The following NDUFB5 variants were observed in gnomAD, a reference collection of about 807,000 sequenced individuals.
NDUFB5 encodes NADH:ubiquinone oxidoreductase subunit B5, also known as NADH dehydrogenase [ubiquinone] 1 beta subcomplex subunit 5, mitochondrial.
NDUFB5 carries 19 observed loss-of-function variants against 19.4 expected under a neutral mutation model. The ratio of observed to expected loss-of-function variants is 0.98; its 90% CI spans 0.68 to 1.43. The LOEUF (loss-of-function observed/expected upper bound fraction) is 1.43, where lower values mean the gene tolerates loss of function less well. Among genes scored for constraint, NDUFB5 ranks in the 40% most tolerant of loss-of-function variants. NDUFB5 has a pLI of 0.00. For missense variants in NDUFB5, 233 were observed against 236.5 expected, an observed-to-expected ratio of 0.99 and a Z score of 0.10; for synonymous variants, 80 against 82.6, an observed-to-expected ratio of 0.97 and a Z score of 0.17.
intron 3 of NDUFB5, among the ~76,000 whole-genome samples, chr3:179,616,713 A>G (rs1374962244): frequency 6.6e-6 from 1 of 152,224 alleles, no homozygotes; most frequent in Non-Finnish European, 1.5e-5. Flanking sequence ...CTTTTATTAT[A>G]TCTTGTTACA....
At chr3:179,613,169 C>T (rs915285722) in intron 1 of NDUFB5, among the ~76,000 whole-genome samples, 31 of 151,884 alleles carry the variant, frequency 2.0e-4, no homozygotes, top group African/African-American at 7.5e-4. Flanking sequence ...GCTGTATCCA[C>T]CTCATCTAAG....
chr3:179,619,878 A>G (rs569523712), intron 5 of NDUFB5, among the ~76,000 whole-genome samples: 10 of 152,270 alleles, frequency 6.6e-5, no homozygotes, highest in South Asian at 2.1e-4. Flanking sequence ...CTGACTTTTT[A>G]ATGATCACCA....
At chr3:179,621,585 C>T (rs895110000) in intron 5 of NDUFB5, among the ~76,000 whole-genome samples, 5 of 150,422 alleles carry the variant, frequency 3.3e-5, no homozygotes, top group South Asian at 2.1e-4. Context: ...CTCTGCTTTC[C>T]GGGTTCAAGC....
chr3:179,607,776 C>A (rs778941533), intron 1 of NDUFB5: 207 of 698,704 alleles, frequency 3.0e-4, no homozygotes, highest in Non-Finnish European at 4.8e-4. Flanking sequence ...AACCACCATT[C>A]TGCTGTCTTT....
In NDUFB5 at chr3:179,616,047, T is replaced by C; in HGVS notation, c.278T>C (p.Ile93Thr). The change falls in exon 3 of 6, where the codon ATT becomes ACT. Residue 93 changes from isoleucine to threonine, a missense_variant and splice_region_variant. By Grantham distance (89) the Ile-to-Thr change is moderately conservative. Coordinates refer to ENST00000259037, the MANE Select transcript of NDUFB5 (RefSeq NM_002492.4). ...AIFITLVNVF[I>T]GQAELAEIPE... The stretch of plus-strand genomic sequence containing the variant: ...TTCATAACTCTGGTGAATGTATTCA[T>C]TGGTAAGTCACTTCCATCCCCTGCC... 1 of 1,613,112 alleles carries C rather than the reference T, an allele frequency of 6.2e-7. No individual in the cohort carries two copies. The highest frequency in any genetic ancestry group is 2.2e-5 in the East Asian group (1 of 44,850).
intron 5 of NDUFB5, among the ~76,000 whole-genome samples, chr3:179,619,196 GTTTT>G (rs63194561): frequency 8.1e-6 from 1 of 123,818 alleles, no homozygotes; most frequent in African/African-American, 3.0e-5. Context: ...CTGAGTGCCT[GTTTT>G]TTTTTTTTTT....
At position 179,604,820 on chromosome 3, in the gene NDUFB5, C is replaced by G; in HGVS notation, c.5C>G (p.Ala2Gly). The change falls in exon 1 of 6, where the codon GCG becomes GGG. Residue 2 changes from alanine to glycine, a missense_variant. Ala to Gly is a moderately conservative substitution (Grantham distance 60, BLOSUM62 0). Coordinates refer to ENST00000259037, the MANE Select transcript of NDUFB5 (RefSeq NM_002492.4). M[A>G]AMSLLRRVSV... ...TTCCTCCTGCCCGTAGTAGCCATGG[C>G]GGCCATGAGTTTGTTGCGGCGGGTT... The G allele has an allele frequency of 1.2e-6, 2 of 1,608,072 alleles. No homozygotes were observed. Among genetic ancestry groups the G allele is most frequent in the Non-Finnish European group, 1.7e-6 (2 of 1,178,638 alleles).
At position 179,604,814 on chromosome 3, in the gene NDUFB5, C is replaced by T. The variant is rs1263345977; in HGVS notation, c.-2C>T. On this transcript the variant is annotated 5_prime_UTR_variant, in exon 1 of 6. Coordinates refer to ENST00000259037, the MANE Select transcript of NDUFB5 (RefSeq NM_002492.4). The stretch of plus-strand genomic sequence containing the variant: ...CCCTTCTTCCTCCTGCCCGTAGTAG[C>T]CATGGCGGCCATGAGTTTGTTGCGG... 3.1e-6 allele frequency: 5 copies of T among 1,609,132 alleles called. No individual in the cohort carries two copies. Among genetic ancestry groups the T allele is most frequent in the African/African-American group, 2.7e-5 (2 of 74,614 alleles).
intron 1 of NDUFB5, among the ~76,000 whole-genome samples, 153 bp downstream of exon 1, chr3:179,605,092 G>A (rs1474118234): frequency 1.3e-5 from 2 of 152,196 alleles, no homozygotes; most frequent in Admixed American, 1.3e-4. Context: ...AGCTATATGA[G>A]GGGTTTTCCT....
intron 2 of NDUFB5, chr3:179,615,662 T>C (rs555973773): frequency 4.0e-6 from 2 of 498,510 alleles, no homozygotes; most frequent in Admixed American, 2.3e-5. Context: ...CTTAAAACTT[T>C]CTCTTGCCCT....
At chr3:179,615,858 G>A (rs1017494561) in intron 2 of NDUFB5, 125 bp from the exon 3 acceptor site, 1 of 720,498 alleles carries the variant, frequency 1.4e-6, no homozygotes, top group Non-Finnish European at 2.4e-6. Flanking sequence ...CAATAATTTG[G>A]TACTGTATGC....
chr3:179,627,453 A>G lies in NDUFB5; in HGVS notation c.*3413A>G, dbSNP rs1719698776. On this transcript the variant is annotated 3_prime_UTR_variant, in exon 6 of 6. Coordinates refer to ENST00000259037, the MANE Select transcript of NDUFB5 (RefSeq NM_002492.4). ...CATGTTTTTCCTTGAAAAGTAAGAA[A>G]TGATGTAATGCATGTCTTGACTGAA... The G allele has an allele frequency of 6.6e-6, 1 of 152,148 alleles. No individual in the cohort carries two copies. The highest frequency in any genetic ancestry group is 6.6e-5 in the Admixed American group (1 of 15,266). The allele number at this position is 152,148 out of a possible 1,614,324, so 9.4% of individuals were successfully genotyped here. A position where few individuals can be genotyped will look rare whatever the true frequency, so the allele number is the denominator to read the frequency against.
rs571980604 is a variant in NDUFB5, at chr3:179,606,587, C to T, written c.124+1648C>T. ...ACTCCTGACCTCGTGATCCACCTGC[C>T]TTGGCCTCCCAGAGTGCTGAGATCA... is the stretch of plus-strand genomic sequence containing the variant. On this transcript the variant is annotated intron_variant, in intron 1 of 5. Coordinates refer to ENST00000259037, the MANE Select transcript of NDUFB5 (RefSeq NM_002492.4). 1.2e-4 allele frequency among the ~76,000 whole-genome samples: 18 copies of T among 152,310 alleles called. No homozygotes were observed. The East Asian group carries it at 2.7e-3, about 23-fold the overall frequency.
At chr3:179,607,727 A>G in intron 1 of NDUFB5, 1 of 701,678 alleles carries the variant, frequency 1.4e-6, no homozygotes, top group Non-Finnish European at 2.6e-6. Flanking sequence ...GTATCCGTTA[A>G]ACAATAACTC....
chr3:179,617,938 T>G (rs1445001847), intron 4 of NDUFB5, among the ~76,000 whole-genome samples: 1 of 152,232 alleles, frequency 6.6e-6, no homozygotes, highest in Non-Finnish European at 1.5e-5. Context: ...TTGTGAGCCT[T>G]GAATGGAGTA....
At position 179,621,994 on chromosome 3, in the gene NDUFB5, A is replaced by T. The variant is rs184028240; in HGVS notation, c.450-1926A>T. ...CTTCCTTTTCTTTTTTTGAGACAGG[A>T]TCTCGTTCTGTTGCCTCAGCTGGAG... On this transcript the variant is annotated intron_variant, in intron 5 of 5. Transcript: ENST00000259037. Among the ~76,000 whole-genome samples the T allele has an allele frequency of 5.1e-4, 78 of 152,074 alleles. No homozygotes were observed. The Middle Eastern group carries it at 0.01, about 20-fold the overall frequency.
At position 179,615,030 on chromosome 3, in the gene NDUFB5, T is replaced by A. The variant is rs763560264; in HGVS notation, c.184T>A (p.Phe62Ile). The A allele has an allele frequency of 6.2e-7, 1 of 1,607,754 alleles. No individual in the cohort carries two copies. The highest frequency in any genetic ancestry group is 1.1e-5 in the South Asian group (1 of 89,848). ...ACTATTTGTCATCAGACCTTCTAGATTCTATGACAGGCGTTTTTTGAAGTT... is the reference window on the plus strand; with the variant it reads ...ACTATTTGTCATCAGACCTTCTAGAATCTATGACAGGCGTTTTTTGAAGTT... ...KRLFVIRPSR[F>I]YDRRFLKLLR... The change falls in exon 2 of 6, where the codon TTC (phenylalanine) becomes ATC (isoleucine). Residue 62 changes from phenylalanine (F) to isoleucine (I), a missense_variant. By Grantham distance (21) the Phe-to-Ile change is conservative (BLOSUM62 0). Transcript: ENST00000259037.
intron 1 of NDUFB5, among the ~76,000 whole-genome samples, chr3:179,612,299 C>T (rs958094904): frequency 4.3e-5 from 6 of 140,206 alleles, no homozygotes; most frequent in African/African-American, 1.6e-4. Context: ...GCTTGAGTAA[C>T]ATAGCAAAAA....
intron 1 of NDUFB5, among the ~76,000 whole-genome samples, chr3:179,612,709 C>T (rs982001266): frequency 1.3e-5 from 2 of 151,984 alleles, no homozygotes; most frequent in African/African-American, 4.8e-5. Flanking sequence ...ATCTCCTGAT[C>T]TCGTGAGCCG....
Sources: gnomAD v4.1 joint callset for allele counts (sites outside exome capture counted in the v4.1 genomes callset) on GRCh38, gnomAD v4.1.1 for gene constraint, MANE v1.5 for transcripts, NCBI Gene and HGNC (gene_info 2026-07-23, HGNC 2026-07-21) for gene names.